FGF6: variants seen among roughly 807,000 people sequenced by gnomAD.
FGF6 encodes fibroblast growth factor 6.
FGF6 carries 14 observed loss-of-function variants against 18.4 expected under a neutral mutation model. The observed-to-expected ratio is 0.76, with a 90% CI of 0.50 to 1.19. FGF6 has a LOEUF of 1.19. Ranked by LOEUF, FGF6 falls within the 50% of genes most tolerant of loss-of-function variation. The pLI, the probability that FGF6 is intolerant of heterozygous loss-of-function variation, is 0.00. For synonymous variants in FGF6, 125 were observed against 116.7 expected (o/e 1.07, Z -0.46); for missense variants, 266 against 271.6 (o/e 0.98, Z 0.15).
chr12:4,442,301 G>A (rs938054773), intron 2 of FGF6, among the ~76,000 whole-genome samples: 1 of 152,014 alleles, frequency 6.6e-6, no homozygotes, highest in Admixed American at 6.6e-5. Flanking sequence ...GCTCTTCCCC[G>A]CTTTGTGGCG....
At position 4,444,209 on chromosome 12, in the gene FGF6, C is replaced by T. The variant is rs532205756; in HGVS notation, c.374G>A (p.Arg125Gln). ...CACTCCAAAGAGACTCACCACGCCTCGCTCCACAGTGGAAATTTCCAGCAG... is the reference window on the plus strand; with the variant it reads ...CACTCCAAAGAGACTCACCACGCCTTGCTCCACAGTGGAAATTTCCAGCAG... Reference protein sequence around the residue: ...YSLLEISTVERGVVSLFGVRS... With the variant: ...YSLLEISTVEQGVVSLFGVRS... The change falls in exon 2 of 3, where the codon CGA becomes CAA. Residue 125 changes from arginine (R) to glutamine (Q), a missense_variant. By Grantham distance (43) the Arg-to-Gln change is conservative. Transcript: ENST00000228837. 1.3e-5 allele frequency: 21 copies of T among 1,613,696 alleles called. No homozygotes were observed. Among genetic ancestry groups the T allele is most frequent in the Middle Eastern group, 1.6e-4 (1 of 6,082 alleles).
At chr12:4,443,615 A>G (rs1358612358) in intron 2 of FGF6, among the ~76,000 whole-genome samples, 6 of 152,172 alleles carry the variant, frequency 3.9e-5, no homozygotes, top group African/African-American at 7.2e-5. Flanking sequence ...CTGCTTCTCT[A>G]GCGTACGTGA....
chr12:4,445,509 G>C lies in FGF6; in HGVS notation c.62C>G (p.Thr21Arg), dbSNP rs1273570877. 8.1e-6 allele frequency: 13 copies of C among 1,612,424 alleles called. No homozygotes were observed. The highest frequency in any genetic ancestry group is 8.5e-6 in the Non-Finnish European group (10 of 1,179,856). Residue 21 changes from threonine to arginine, a missense_variant, in exon 1 of 3, where the codon ACG (threonine) becomes AGG (arginine). Physicochemically the swap from Thr to Arg is moderately conservative, Grantham distance 71. Coordinates refer to ENST00000228837, the MANE Select transcript of FGF6 (RefSeq NM_020996.3). The surrounding 1 kb of genome is among the most constrained non-coding windows in gnomAD (Gnocchi z 5.5). ...GCCTAGGAAGACGAGAGCCCACAGC[G>C]TGCCCTGCAGACGTCCTGCTCCCCG... ...MSRGAGRLQG[T>R]LWALVFLGIL...
In FGF6 at chr12:4,445,163, C is replaced by T; in HGVS notation, c.346+62G>A. Reference sequence around the variant, plus strand: ...TGTCCGCTAGAGCAGGGCCCCTTCACCTTTTAGCCCTGCATGAGCCCAAAC... The same window carrying T: ...TGTCCGCTAGAGCAGGGCCCCTTCATCTTTTAGCCCTGCATGAGCCCAAAC... On this transcript the variant is annotated intron_variant, in intron 1 of 2. Coordinates refer to ENST00000228837, the MANE Select transcript of FGF6 (RefSeq NM_020996.3). The surrounding 1 kb of genome is among the most constrained non-coding windows in gnomAD (Gnocchi z 5.5). 8.6e-6 allele frequency: 12 copies of T among 1,398,422 alleles called. No individual in the cohort carries two copies. Among genetic ancestry groups the T allele is most frequent in the African/African-American group, 5.7e-5 (4 of 70,438 alleles). 86.6% of individuals were successfully genotyped at this position (1,398,422 alleles called of 1,614,324 possible).
intron 2 of FGF6, among the ~76,000 whole-genome samples, chr12:4,443,012 T>A (rs910670887): frequency 1.3e-5 from 2 of 152,244 alleles, no homozygotes; most frequent in South Asian, 4.1e-4. Flanking sequence ...TTAATAAGTT[T>A]CCAAGGTGAC....
intron 2 of FGF6, among the ~76,000 whole-genome samples, chr12:4,442,648 G>A (rs2193647): frequency 0.97 from 147,582 of 152,276 alleles, 71,699 homozygotes; most frequent in East Asian, 1. Flanking sequence ...TGCAGGCTGG[G>A]AAGAAGGGGT....
At chr12:4,434,435 A>G (rs377461613) in intron 2 of FGF6, 44 bp from the exon 3 acceptor site, 2 of 1,604,964 alleles carry the variant, frequency 1.2e-6, no homozygotes, top group African/African-American at 2.7e-5. Flanking sequence ...GTTACAAATG[A>G]GGAGTGCTGC....
intron 1 of FGF6, among the ~76,000 whole-genome samples, chr12:4,444,743 G>A (rs1865736509): frequency 6.6e-6 from 1 of 152,172 alleles, no homozygotes; most frequent in African/African-American, 2.4e-5. Context: ...CAGCTTGCAG[G>A]CAGCTTGCAG....
rs182354994 is a variant in FGF6 at position 4,434,198 on chromosome 12, C to G, written c.*17G>C. The G allele has an allele frequency of 6.8e-6, 11 of 1,612,830 alleles. No individual in the cohort carries two copies. The Admixed American group carries it at 1.8e-4, about 27-fold the overall frequency. On this transcript the variant is annotated 3_prime_UTR_variant, in exon 3 of 3. Transcript: ENST00000228837. ...ACAGATGATGCTTTAAATCTGTGAG[C>G]CTTCTTTTGTGGGTCCTTAGATCCT... is the stretch of plus-strand genomic sequence containing the variant.
At position 4,445,323 on chromosome 12, in the gene FGF6, T is replaced by A. The variant is rs751508514; in HGVS notation, c.248A>T (p.Lys83Met). The A allele has an allele frequency of 6.2e-7, 1 of 1,614,106 alleles. No homozygotes were observed. The highest frequency in any genetic ancestry group is 8.5e-7 in the Non-Finnish European group (1 of 1,180,032). ...NWESGYLVGIKRQRRLYCNVG... is the reference protein window; with the variant it reads ...NWESGYLVGIMRQRRLYCNVG... Reference sequence around the variant, plus strand: ...GTTGCAGTAGAGCCTCCGCTGCCGCTTGATCCCCACCAAATAGCCACTTTC... The same window carrying A: ...GTTGCAGTAGAGCCTCCGCTGCCGCATGATCCCCACCAAATAGCCACTTTC... The change falls in exon 1 of 3, where the codon AAG (lysine) becomes ATG (methionine). Residue 83 changes from lysine to methionine, a missense_variant. Physicochemically the swap from Lys to Met is moderately conservative, Grantham distance 95. Transcript: ENST00000228837. This position sits in a 1 kb window ranked among gnomAD's most constrained non-coding sequence, Gnocchi z 5.5.
At chr12:4,435,578 G>C (rs560267749) in intron 2 of FGF6, among the ~76,000 whole-genome samples, 2 of 152,322 alleles carry the variant, frequency 1.3e-5, no homozygotes, top group South Asian at 2.1e-4. Flanking sequence ...AACAGAAATG[G>C]TGAGGAGCAG....
chr12:4,439,131 C>T (rs374814541), intron 2 of FGF6, among the ~76,000 whole-genome samples: 35 of 152,180 alleles, frequency 2.3e-4, no homozygotes, highest in East Asian at 9.7e-4. Context: ...AAAACATGTT[C>T]CTGTGTTACC....
Position 4,434,206 on chromosome 12 carries a change from TG to T in FGF6, c.*8del. 1 of 1,613,480 alleles carries T rather than the reference TG, an allele frequency of 6.2e-7. No homozygotes were observed. The highest frequency in any genetic ancestry group is 8.5e-7 in the Non-Finnish European group (1 of 1,179,824). On this transcript the variant is annotated 3_prime_UTR_variant, in exon 3 of 3. Transcript: ENST00000228837. ...TGCTTTAAATCTGTGAGCCTTCTTT[TG>T]TGGGTCCTTAGATCCTGGGAAGGAA...
chr12:4,439,580 A>G (rs982919693), intron 2 of FGF6, among the ~76,000 whole-genome samples: 12 of 152,052 alleles, frequency 7.9e-5, no homozygotes, highest in Non-Finnish European at 1.2e-4. Context: ...ATGCATGACC[A>G]TGGATGCGTA....
chr12:4,436,873 AC>A (rs1865634822), intron 2 of FGF6, among the ~76,000 whole-genome samples: 1 of 152,186 alleles, frequency 6.6e-6, no homozygotes, highest in Non-Finnish European at 1.5e-5. Flanking sequence ...TTAATGCCAC[AC>A]CGGGGGGTGG....
chr12:4,444,994 T>G (rs758346364), intron 1 of FGF6, among the ~76,000 whole-genome samples: 1 of 152,162 alleles, frequency 6.6e-6, no homozygotes, highest in African/African-American at 2.4e-5. Context: ...GCTGAAATAG[T>G]TAGTGCCACT....
chr12:4,440,591 T>G (rs1162151839), intron 2 of FGF6, among the ~76,000 whole-genome samples: 1 of 152,232 alleles, frequency 6.6e-6, no homozygotes, highest in East Asian at 1.9e-4. Context: ...GATGCCTGCA[T>G]TTTCCAACCC....
rs1865604643 is a variant in FGF6 at position 4,434,373 on chromosome 12, ATTC to A, written c.466_468del (p.Glu156del). On this transcript the variant is annotated inframe_deletion, in exon 3 of 3. Transcript: ENST00000228837. ...GGCAGGAGGGTTTCTCTGAACTTGCATTCTTCTTGGAAGCTGGGCTGTGGAAGA... is the reference window on the plus strand; with the variant it reads ...GGCAGGAGGGTTTCTCTGAACTTGCATTCTTGGAAGCTGGGCTGTGGAAGA... The A allele has an allele frequency of 6.2e-7, 1 of 1,614,054 alleles. No individual in the cohort carries two copies. The highest frequency in any genetic ancestry group is 1.7e-5 in the Admixed American group (1 of 60,006).
At chr12:4,444,297 G>T in intron 1 of FGF6, 61 bp from the exon 2 acceptor site, 1 of 1,092,268 alleles carries the variant, frequency 9.2e-7, no homozygotes, top group Non-Finnish European at 1.4e-6. Flanking sequence ...GGGAACTTGA[G>T]CCGACAAGGG....
Sources: gnomAD v4.1 joint callset for allele counts (sites outside exome capture counted in the v4.1 genomes callset) on GRCh38, gnomAD v4.1.1 for gene constraint, Gnocchi (gnomAD v3.1) non-coding constraint, MANE v1.5 for transcripts, NCBI Gene and HGNC (gene_info 2026-07-23, HGNC 2026-07-21) for gene names.